The following PALS1 variants were observed in gnomAD, a reference collection of about 807,000 sequenced individuals.
The protein encoded by PALS1 is protein PALS1.
Under a neutral mutation model 78.9 loss-of-function variants are expected in PALS1, and 31 were observed. The ratio of observed to expected loss-of-function variants is 0.39; its 90% CI spans 0.30 to 0.53. The LOEUF (loss-of-function observed/expected upper bound fraction) is 0.53. Among genes scored for constraint, PALS1 ranks in the 20% least tolerant of loss-of-function variants. The pLI is 0.67. For missense variants in PALS1, 704 were observed against 826.5 expected, an observed-to-expected ratio of 0.85 and a Z score of 1.82; for synonymous variants, 276 against 270.9, an observed-to-expected ratio of 1.02 and a Z score of -0.18.
At chr14:67,319,495 GTT>G (rs2085229207) in intron 11 of PALS1, among the ~76,000 whole-genome samples, 1 of 151,836 alleles carries the variant, frequency 6.6e-6, no homozygotes, top group South Asian at 2.1e-4. Flanking sequence ...CTGTTTTCAA[GTT>G]ATACAACTAC....
chr14:67,287,306 GT>G (rs75316443), intron 3 of PALS1, among the ~76,000 whole-genome samples: 6 of 149,264 alleles, frequency 4.0e-5, no homozygotes, highest in Non-Finnish European at 8.9e-5. Context: ...CATTTCCTTA[GT>G]TTTTTTTTTC....
intron 2 of PALS1, among the ~76,000 whole-genome samples, chr14:67,276,084 A>C (rs534864246): frequency 6.6e-6 from 1 of 152,164 alleles, no homozygotes; most frequent in South Asian, 2.1e-4. Context: ...GGATTCATTG[A>C]TTTTTTGAAG....
chr14:67,303,484 A>G, intron 7 of PALS1, 38 bp from the exon 8 acceptor site: 1 of 1,485,146 alleles, frequency 6.7e-7, no homozygotes, highest in Admixed American at 1.7e-5. Flanking sequence ...ATTTTCATAA[A>G]TGCAAATTTA....
chr14:67,316,245 A>G (rs1473486332), intron 9 of PALS1, among the ~76,000 whole-genome samples: 1 of 152,178 alleles, frequency 6.6e-6, no homozygotes, highest in East Asian at 1.9e-4. Context: ...AAAGCCTCCT[A>G]TATTAAAATA....
intron 5 of PALS1, among the ~76,000 whole-genome samples, chr14:67,301,700 C>T (rs959704773): frequency 6.6e-6 from 1 of 152,016 alleles, no homozygotes; most frequent in Admixed American, 6.6e-5. Flanking sequence ...ATTCTTCCCC[C>T]CTTTGGTTGT....
At chr14:67,281,893 A>T (rs1253846068) in intron 3 of PALS1, among the ~76,000 whole-genome samples, 3 of 151,770 alleles carry the variant, frequency 2.0e-5, no homozygotes, top group Non-Finnish European at 4.4e-5. Context: ...GGATACCTCT[A>T]TTCCAATGTG....
At chr14:67,266,249 G>A (rs140821497) in intron 1 of PALS1, among the ~76,000 whole-genome samples, 1,610 of 152,182 alleles carry the variant, frequency 0.011, 27 homozygotes, top group African/African-American at 0.036. Flanking sequence ...GTTAGATCAT[G>A]GGGACTTTAT....
chr14:67,268,740 A>G (rs896661683), intron 1 of PALS1, among the ~76,000 whole-genome samples: 2 of 152,068 alleles, frequency 1.3e-5, no homozygotes, highest in African/African-American at 2.4e-5. Context: ...CTTTACCCCA[A>G]CCTGTTTTGT....
At chr14:67,259,945 T>C (rs914428158) in intron 1 of PALS1, among the ~76,000 whole-genome samples, 8 of 152,160 alleles carry the variant, frequency 5.3e-5, no homozygotes, top group Admixed American at 3.9e-4. Flanking sequence ...TCTTCTACTT[T>C]AACTTTCTGT....
chr14:67,269,485 C>T (rs922117715), intron 1 of PALS1, among the ~76,000 whole-genome samples: 1 of 152,078 alleles, frequency 6.6e-6, no homozygotes, highest in African/African-American at 2.4e-5. Context: ...TTTGACATTC[C>T]TAACAGCACT....
At chr14:67,325,517 G>A (rs1171299558) in intron 14 of PALS1, among the ~76,000 whole-genome samples, 1 of 152,186 alleles carries the variant, frequency 6.6e-6, no homozygotes, top group Non-Finnish European at 1.5e-5. Context: ...GAAATAGGCA[G>A]CATGGTCACT....
At chr14:67,308,151 T>C (rs10135727) in intron 8 of PALS1, among the ~76,000 whole-genome samples, 23,367 of 151,276 alleles carry the variant, frequency 0.15, 3,398 homozygotes, top group East Asian at 0.42. Flanking sequence ...ACCTGGGTGA[T>C]GAAATAATCT....
chr14:67,292,826 T>C, intron 4 of PALS1, 107 bp downstream of exon 4: 1 of 767,732 alleles, frequency 1.3e-6, no homozygotes, highest in Non-Finnish European at 2.1e-6. Flanking sequence ...TTTGAATTAA[T>C]TACTGTTAAT....
intron 4 of PALS1, chr14:67,294,895 A>T (rs1014205607): frequency 1.3e-5 from 2 of 151,960 alleles, no homozygotes; most frequent in African/African-American, 4.8e-5. Context: ...GATGGTCTTG[A>T]TCTCCTGACC....
intron 11 of PALS1, among the ~76,000 whole-genome samples, chr14:67,318,994 C>T (rs1010116555): frequency 1.3e-5 from 2 of 151,254 alleles, no homozygotes; most frequent in South Asian, 2.1e-4. Flanking sequence ...GGAGGCGGAG[C>T]TTGCAGTGAG....
chr14:67,253,953 A>AT lies in PALS1; in HGVS notation c.-237+12424dup, dbSNP rs1555516829. Among the ~76,000 whole-genome samples the AT allele has an allele frequency of 2.0e-3, 281 of 138,686 alleles. 6 individuals carry two copies. The East Asian group carries it at 0.037, about 18-fold the overall frequency. The allele number at this position is 138,686 out of a possible 152,430, so 91.0% of individuals were successfully genotyped here. A position where few individuals can be genotyped will look rare whatever the true frequency, so the allele number is the denominator to read the frequency against. On this transcript the variant is annotated intron_variant, in intron 1 of 14. Transcript: ENST00000261681. Reference sequence around the variant, plus strand: ...CTGATATCAGTGTGTTTGTGTTAATATTTTGTTTTGTTTTTTTTTTTCCAT... The same window carrying AT: ...CTGATATCAGTGTGTTTGTGTTAATATTTTTGTTTTGTTTTTTTTTTTCCAT...
chr14:67,274,922 T>G (rs1228168159), intron 2 of PALS1, among the ~76,000 whole-genome samples: 1 of 152,174 alleles, frequency 6.6e-6, no homozygotes, highest in East Asian at 1.9e-4. Flanking sequence ...GGCTCTCTAT[T>G]TGTCTGTTAT....
At chr14:67,248,399 A>G (rs757437996) in intron 1 of PALS1, among the ~76,000 whole-genome samples, 2 of 152,184 alleles carry the variant, frequency 1.3e-5, no homozygotes, top group African/African-American at 2.4e-5. Flanking sequence ...GAACTAAAAT[A>G]CTTAATGAAG....
At chr14:67,301,513 T>C (rs1566562622) in intron 5 of PALS1, 47 bp downstream of exon 5, 1 of 1,410,832 alleles carries the variant, frequency 7.1e-7, no homozygotes, top group African/African-American at 1.4e-5. Flanking sequence ...CCAGCATTCT[T>C]CTATTTTTTT....
Sources: allele counts gnomAD v4.1 joint callset (sites outside exome capture counted in the v4.1 genomes callset), GRCh38; gene constraint gnomAD v4.1.1; transcripts MANE v1.5; gene names NCBI Gene and HGNC (gene_info 2026-07-23, HGNC 2026-07-21).